The following HS6ST3 variants were observed in gnomAD, a reference collection of about 807,000 sequenced individuals.
HS6ST3 encodes the protein heparan sulfate 6-O-sulfotransferase 3.
Under a neutral mutation model 36.7 loss-of-function variants are expected in HS6ST3, and 12 were observed. The ratio of observed to expected loss-of-function variants is 0.33; its 90% CI spans 0.21 to 0.53. The LOEUF (loss-of-function observed/expected upper bound fraction) is 0.53. Among genes scored for constraint, HS6ST3 ranks in the 20% least tolerant of loss-of-function variants. The probability of loss-of-function intolerance (pLI) is 0.95; values close to 1 mark genes in which losing one functional copy is unlikely to be tolerated. For missense variants in HS6ST3, 584 were observed against 640.9 expected (o/e 0.91, Z 0.96); for synonymous variants, 240 against 257.5 (o/e 0.93, Z 0.65).
intron 1 of HS6ST3, among the ~76,000 whole-genome samples, chr13:96,577,665 A>G (rs879874147): frequency 3.3e-5 from 5 of 152,210 alleles, no homozygotes; most frequent in Non-Finnish European, 5.9e-5. Flanking sequence ...ATAAAACTCC[A>G]TCAAAACATG....
In HS6ST3 at chr13:96,513,763, A is replaced by G. The variant is rs545414885; in HGVS notation, c.708-318727A>G. ...TTATGCACCATCATAGAGTGTACTT[A>G]CACAAACTAAGGTAAGAGGATTTTT... is the stretch of plus-strand genomic sequence containing the variant. On this transcript the variant is annotated intron_variant, in intron 1 of 1. Coordinates refer to ENST00000376705, the MANE Select transcript of HS6ST3 (RefSeq NM_153456.4). 2.0e-5 allele frequency among the ~76,000 whole-genome samples: 3 copies of G among 152,182 alleles called. No homozygotes were observed. The South Asian group carries it at 6.2e-4, about 32-fold the overall frequency.
chr13:96,260,749 C>T (rs2054662188), intron 1 of HS6ST3, among the ~76,000 whole-genome samples: 3 of 152,094 alleles, frequency 2.0e-5, no homozygotes, highest in Middle Eastern at 3.4e-3. Flanking sequence ...AAGTGATTCT[C>T]CTGCCTCAGC....
chr13:96,660,150 T>A (rs2056641463), intron 1 of HS6ST3, among the ~76,000 whole-genome samples: 2 of 152,094 alleles, frequency 1.3e-5, no homozygotes, highest in Non-Finnish European at 2.9e-5. Flanking sequence ...AAAGCCTCTA[T>A]TTTGTAGTGT....
intron 1 of HS6ST3, among the ~76,000 whole-genome samples, chr13:96,821,129 C>A (rs759345272): frequency 6.6e-6 from 1 of 152,196 alleles, no homozygotes; most frequent in Non-Finnish European, 1.5e-5. Context: ...GTGCTGGGCT[C>A]AGGAAAACTG....
chr13:96,123,691 C>A (rs2053937343), intron 1 of HS6ST3, among the ~76,000 whole-genome samples: 1 of 152,140 alleles, frequency 6.6e-6, no homozygotes, highest in African/African-American at 2.4e-5. Flanking sequence ...GATATGAATT[C>A]TCTTCCCTTA....
chr13:96,231,974 C>T (rs1446264230), intron 1 of HS6ST3, among the ~76,000 whole-genome samples: 1 of 152,088 alleles, frequency 6.6e-6, no homozygotes, highest in African/African-American at 2.4e-5. Flanking sequence ...TGCTTGTTTC[C>T]AGCAGCATTT....
intron 1 of HS6ST3, among the ~76,000 whole-genome samples, chr13:96,347,383 G>A (rs963296435): frequency 6.6e-6 from 1 of 152,108 alleles, no homozygotes; most frequent in Non-Finnish European, 1.5e-5. Flanking sequence ...GTCTTTTGCT[G>A]CCTCTTTTAA....
At chr13:96,256,437 T>C (rs1044144666) in intron 1 of HS6ST3, among the ~76,000 whole-genome samples, 6 of 152,348 alleles carry the variant, frequency 3.9e-5, no homozygotes, top group African/African-American at 1.4e-4. Flanking sequence ...AGGATATTGA[T>C]TCCTATCTAC....
At chr13:96,468,465 GACATACACACATACACACACACAC>G (rs2078265558) in intron 1 of HS6ST3, among the ~76,000 whole-genome samples, 2 of 80,372 alleles carry the variant, frequency 2.5e-5, no homozygotes, top group South Asian at 1.1e-3. Context: ...CATTTAACAG[GACATACACACATACACACACACAC>G]ACACACACAC....
intron 1 of HS6ST3, among the ~76,000 whole-genome samples, chr13:96,254,890 C>T (rs2054629449): frequency 6.6e-6 from 1 of 152,122 alleles, no homozygotes; most frequent in African/African-American, 2.4e-5. Context: ...AAAAAGCTGA[C>T]TAGCATGATT....
At chr13:96,622,153 G>T (rs2056497271) in intron 1 of HS6ST3, among the ~76,000 whole-genome samples, 2 of 151,654 alleles carry the variant, frequency 1.3e-5, no homozygotes, top group African/African-American at 4.8e-5. Context: ...TGATTTCTAT[G>T]TCAAAGTGAT....
chr13:96,586,164 G>T (rs896666630), intron 1 of HS6ST3, among the ~76,000 whole-genome samples: 3 of 151,950 alleles, frequency 2.0e-5, no homozygotes. Context: ...CTTTTGTCTT[G>T]CTAGTATCTT....
At chr13:96,158,423 A>C (rs2054120090) in intron 1 of HS6ST3, among the ~76,000 whole-genome samples, 1 of 152,102 alleles carries the variant, frequency 6.6e-6, no homozygotes, top group East Asian at 1.9e-4. Flanking sequence ...AACAAAGGCC[A>C]AAGAAGGAAC....
intron 1 of HS6ST3, among the ~76,000 whole-genome samples, chr13:96,105,976 G>T (rs1350666124): frequency 3.9e-5 from 6 of 152,230 alleles, no homozygotes; most frequent in Non-Finnish European, 8.8e-5. Flanking sequence ...GGCATTTGCA[G>T]TAATGAACAA....
At chr13:96,735,931 G>A (rs1403926082) in intron 1 of HS6ST3, among the ~76,000 whole-genome samples, 1 of 152,132 alleles carries the variant, frequency 6.6e-6, no homozygotes, top group Non-Finnish European at 1.5e-5. Context: ...AATGGATGGA[G>A]CTGGAGGCCA....
At position 96,268,478 on chromosome 13, in the gene HS6ST3, C is replaced by G. The variant is rs1229684691; in HGVS notation, c.707+176909C>G. Among the ~76,000 whole-genome samples, 17 of 151,870 alleles carry G rather than the reference C, an allele frequency of 1.1e-4. 1 individual carries two copies. Among genetic ancestry groups the G allele is most frequent in the African/African-American group, 3.9e-4 (16 of 41,226 alleles). ...GGTAATCAACCCCCATCAATTACCT[C>G]CAACTGGGTTCCTCCCACGACACAT... On this transcript the variant is annotated intron_variant, in intron 1 of 1. Coordinates refer to ENST00000376705, the MANE Select transcript of HS6ST3 (RefSeq NM_153456.4).
At chr13:96,269,697 GC>G (rs1239160085) in intron 1 of HS6ST3, among the ~76,000 whole-genome samples, 1 of 151,928 alleles carries the variant, frequency 6.6e-6, no homozygotes, top group African/African-American at 2.4e-5. Context: ...GCTAAAGTCA[GC>G]TTTTCCCAAA....
chr13:96,514,807 C>T (rs2056065536), intron 1 of HS6ST3, among the ~76,000 whole-genome samples: 1 of 152,146 alleles, frequency 6.6e-6, no homozygotes, highest in African/African-American at 2.4e-5. Context: ...CTTTTGTGAT[C>T]TTGAAGAGGA....
At chr13:96,184,651 C>G (rs1043079420) in intron 1 of HS6ST3, among the ~76,000 whole-genome samples, 3 of 152,024 alleles carry the variant, frequency 2.0e-5, no homozygotes, top group African/African-American at 7.3e-5. Context: ...ACTAGACAGG[C>G]CCCCTCATCT....
Sources: gnomAD v4.1 joint callset for allele counts (sites outside exome capture counted in the v4.1 genomes callset) on GRCh38, gnomAD v4.1.1 for gene constraint, MANE v1.5 for transcripts, NCBI Gene and HGNC (gene_info 2026-07-23, HGNC 2026-07-21) for gene names.